ZBP1: variants seen among roughly 807,000 people sequenced by gnomAD.
ZBP1 encodes Z-DNA-binding protein 1.
Under a neutral mutation model 41.1 loss-of-function variants are expected in ZBP1, and 42 were observed. That is an observed-to-expected ratio of 1.02 (90% confidence interval 0.80 to 1.32). The LOEUF (loss-of-function observed/expected upper bound fraction) is 1.32, where lower values mean the gene tolerates loss of function less well. ZBP1 is among the 40% of genes most tolerant of loss of function. The probability of loss-of-function intolerance (pLI) is 0.00; values close to 1 mark genes in which losing one functional copy is unlikely to be tolerated. For synonymous variants in ZBP1, 214 were observed against 205.2 expected (o/e 1.04, Z -0.37); for missense variants, 562 against 549.7 (o/e 1.02, Z -0.22).
In ZBP1 at chr20:57,605,371, G is replaced by A. The variant is rs141557920; in HGVS notation, c.1094-602C>T. On this transcript the variant is annotated intron_variant, in intron 7 of 7. Transcript: ENST00000371173. Reference sequence around the variant, plus strand: ...GCATATGCTCACTTCCTGTCTCTGCGTCACATTTTGGTAATCCTCACAATA... The same window carrying A: ...GCATATGCTCACTTCCTGTCTCTGCATCACATTTTGGTAATCCTCACAATA... 4.3e-4 allele frequency among the ~76,000 whole-genome samples: 66 copies of A among 152,198 alleles called. No homozygotes were observed. In the East Asian group the frequency reaches 0.01, roughly 24 times the overall value.
intron 1 of ZBP1, 24 bp downstream of exon 1, chr20:57,620,238 C>G (rs778457029): frequency 6.3e-7 from 1 of 1,577,072 alleles, no homozygotes; most frequent in Non-Finnish European, 8.6e-7. Context: ...TACCGCTGGT[C>G]CTTGGAAGGA....
At chr20:57,606,053 G>A (rs2070489038) in intron 7 of ZBP1, among the ~76,000 whole-genome samples, 2 of 152,202 alleles carry the variant, frequency 1.3e-5, no homozygotes, top group South Asian at 4.1e-4. Flanking sequence ...GCTTGGTGAG[G>A]GAGGCATGTC....
At chr20:57,612,441 C>G (rs2070699156) in intron 5 of ZBP1, among the ~76,000 whole-genome samples, 1 of 152,146 alleles carries the variant, frequency 6.6e-6, no homozygotes, top group Non-Finnish European at 1.5e-5. Context: ...GAAGGTGGGG[C>G]TCAGAAGATT....
chr20:57,610,687 A>G lies in ZBP1; in HGVS notation c.875-320T>C, dbSNP rs6025663. 2,626 of 420,218 alleles carry G rather than the reference A, an allele frequency of 6.2e-3. 26 individuals are homozygous for G. The highest frequency in any genetic ancestry group is 0.027 in the African/African-American group (1,362 of 49,914). 26.0% of individuals were successfully genotyped at this position (420,218 alleles called of 1,614,324 possible). A position where few individuals can be genotyped will look rare whatever the true frequency, so the allele number is the denominator to read the frequency against. On this transcript the variant is annotated intron_variant, in intron 6 of 7. Transcript: ENST00000371173. The surrounding 1 kb of genome is among the most constrained non-coding windows in gnomAD (Gnocchi z 5.5). Reference sequence around the variant, plus strand: ...TCCTCTGCTGCCTGCTTCCCACTGCACTGGAACACTGGCCCCCACTTTTGG... The same window carrying G: ...TCCTCTGCTGCCTGCTTCCCACTGCGCTGGAACACTGGCCCCCACTTTTGG...
chr20:57,619,613 C>G (rs1292650740), intron 1 of ZBP1, among the ~76,000 whole-genome samples: 3 of 152,192 alleles, frequency 2.0e-5, no homozygotes, highest in Non-Finnish European at 4.4e-5. Context: ...CCGCTTTGTT[C>G]TCGATATGAC....
intron 4 of ZBP1, among the ~76,000 whole-genome samples, chr20:57,614,278 G>A (rs1014362939): frequency 1.1e-4 from 16 of 152,134 alleles, no homozygotes; most frequent in Non-Finnish European, 2.1e-4. Context: ...TGATCTGCCC[G>A]CCTCAGCCTC....
intron 2 of ZBP1, chr20:57,615,880 G>T: frequency 1.9e-6 from 1 of 530,728 alleles, no homozygotes; most frequent in Non-Finnish European, 3.3e-6. Context: ...GCTCCTTCTG[G>T]CTGTGGGCTG....
intron 1 of ZBP1, among the ~76,000 whole-genome samples, chr20:57,619,184 C>A (rs781282109): frequency 1.3e-5 from 2 of 152,224 alleles, no homozygotes; most frequent in African/African-American, 4.8e-5. Context: ...ACAGGACCTC[C>A]GCGGTCAGCC....
intron 3 of ZBP1, 82 bp downstream of exon 3, chr20:57,615,430 C>T (rs1271959527): frequency 1.2e-5 from 17 of 1,476,146 alleles, no homozygotes; most frequent in Non-Finnish European, 9.4e-7. Context: ...CTGGTGAGAT[C>T]TTGTACCCTC....
At position 57,604,527 on chromosome 20, in the gene ZBP1, T is replaced by G. The variant is rs1005540248; in HGVS notation, c.*46A>C. The G allele has an allele frequency of 2.5e-6, 4 of 1,604,188 alleles. No individual in the cohort carries two copies. Among genetic ancestry groups the G allele is most frequent in the East Asian group, 4.5e-5 (2 of 44,798 alleles). On this transcript the variant is annotated 3_prime_UTR_variant, in exon 8 of 8. Transcript: ENST00000371173. ...GAGCAGCAGGCTAGTCTCCCTAGCATGCGCCCACCCCCAGCCTGTGTCCAA... is the reference window on the plus strand; with the variant it reads ...GAGCAGCAGGCTAGTCTCCCTAGCAGGCGCCCACCCCCAGCCTGTGTCCAA...
chr20:57,613,087 T>C lies in ZBP1; in HGVS notation c.670+76A>G, dbSNP rs1267733750. On this transcript the variant is annotated intron_variant, in intron 5 of 7. Transcript: ENST00000371173. The surrounding 1 kb of genome is among the most constrained non-coding windows in gnomAD (Gnocchi z 4.5). ...GCAGAATCCCCCCACTCCCCATCCCTACCCTTTGCCCCCACCCAGAGGATC... is the reference window on the plus strand; with the variant it reads ...GCAGAATCCCCCCACTCCCCATCCCCACCCTTTGCCCCCACCCAGAGGATC... 4.6e-6 allele frequency: 7 copies of C among 1,515,038 alleles called. No homozygotes were observed. The highest frequency in any genetic ancestry group is 1.1e-5 in the South Asian group (1 of 87,712). The allele number at this position is 1,515,038 out of a possible 1,614,324, so 93.8% of individuals were successfully genotyped here. A position where few individuals can be genotyped will look rare whatever the true frequency, so the allele number is the denominator to read the frequency against.
chr20:57,610,051 A>G lies in ZBP1; in HGVS notation c.1093+98T>C, dbSNP rs776798989. ...CACAGCCTCCAGACTCCGGGAAACC[A>G]GAGATTAGCGAATGATCGATGAGAG... On this transcript the variant is annotated intron_variant, in intron 7 of 7. Coordinates refer to ENST00000371173, the MANE Select transcript of ZBP1 (RefSeq NM_030776.3). This position sits in a 1 kb window ranked among gnomAD's most constrained non-coding sequence, Gnocchi z 5.5. 3.0e-6 allele frequency: 4 copies of G among 1,328,318 alleles called. No individual in the cohort carries two copies. The highest frequency in any genetic ancestry group is 3.2e-6 in the Non-Finnish European group (3 of 942,786). The allele number at this position is 1,328,318 out of a possible 1,614,324, so 82.3% of individuals were successfully genotyped here.
At chr20:57,618,615 T>C (rs1034101774) in intron 1 of ZBP1, among the ~76,000 whole-genome samples, 20 of 152,328 alleles carry the variant, frequency 1.3e-4, no homozygotes, top group African/African-American at 4.8e-4. Context: ...AATTTCGTTC[T>C]TGTTGCCTGG....
chr20:57,615,965 T>A, intron 2 of ZBP1: 1 of 557,584 alleles, frequency 1.8e-6, no homozygotes, highest in African/African-American at 1.9e-5. Flanking sequence ...GCTGTCTCCA[T>A]CATGATGATT....
At chr20:57,616,948 C>T (rs996151307) in intron 1 of ZBP1, 20 of 183,372 alleles carry the variant, frequency 1.1e-4, no homozygotes, top group Admixed American at 6.0e-4. Flanking sequence ...CCATCCATGG[C>T]GCCACTATCC....
intron 7 of ZBP1, among the ~76,000 whole-genome samples, chr20:57,608,163 C>A (rs963148691): frequency 3.3e-5 from 5 of 151,858 alleles, no homozygotes; most frequent in African/African-American, 1.2e-4. Context: ...GCTCTGTCGC[C>A]CAGGCTGGAG....
In ZBP1 at chr20:57,613,437, C is replaced by G; in HGVS notation, c.503-107G>C. ...CTCCTGGGGAGCTTGTTAAAATACCCTGGGCGTTCCGAGTCAGTAGGGCCA... is the reference window on the plus strand; with the variant it reads ...CTCCTGGGGAGCTTGTTAAAATACCGTGGGCGTTCCGAGTCAGTAGGGCCA... On this transcript the variant is annotated intron_variant, in intron 4 of 7. Coordinates refer to ENST00000371173, the MANE Select transcript of ZBP1 (RefSeq NM_030776.3). This position sits in a 1 kb window ranked among gnomAD's most constrained non-coding sequence, Gnocchi z 4.5. The G allele has an allele frequency of 7.8e-7, 1 of 1,283,070 alleles. No homozygotes were observed. Among genetic ancestry groups the G allele is most frequent in the South Asian group, 1.4e-5 (1 of 73,982 alleles). The allele number at this position is 1,283,070 out of a possible 1,614,324, so 79.5% of individuals were successfully genotyped here.
intron 7 of ZBP1, among the ~76,000 whole-genome samples, chr20:57,606,759 C>T (rs576813016): frequency 1.1e-4 from 16 of 152,304 alleles, no homozygotes; most frequent in East Asian, 5.8e-4. Context: ...TAGATGAGAG[C>T]ACCTGTATAT....
rs747127183 is a variant in ZBP1 at position 57,613,174 on chromosome 20, G to A, written c.659C>T (p.Ser220Phe). ...HGNIITRQTV[S>F]REDGSAGPRH... ...CTTGGGTGACTTACCGTCCTCCCTG[G>A]AGACTGTCTGTCTTGTAATGATGTT... Residue 220 changes from serine (S) to phenylalanine (F), a missense_variant, in exon 5 of 8, where the codon TCC becomes TTC. By Grantham distance (155) the Ser-to-Phe change is radical. Transcript: ENST00000371173. The surrounding 1 kb of genome is among the most constrained non-coding windows in gnomAD (Gnocchi z 4.5). The A allele has an allele frequency of 3.5e-5, 57 of 1,614,070 alleles. 1 individual carries two copies. In the Middle Eastern group the frequency reaches 6.6e-4, roughly 19 times the overall value.
Sources: gnomAD v4.1 joint callset for allele counts (sites outside exome capture counted in the v4.1 genomes callset) on GRCh38, gnomAD v4.1.1 for gene constraint, Gnocchi (gnomAD v3.1) non-coding constraint, MANE v1.5 for transcripts, NCBI Gene and HGNC (gene_info 2026-07-23, HGNC 2026-07-21) for gene names.